Variants in PCDH11X observed in about 807,000 individuals in gnomAD.
PCDH11X encodes protocadherin-11 X-linked.
A neutral mutation model predicts 53.3 loss-of-function variants in PCDH11X; 18 were observed. The ratio of observed to expected loss-of-function variants is 0.34; its 90% confidence interval spans 0.23 to 0.50. The LOEUF (loss-of-function observed/expected upper bound fraction) is 0.50, where lower values mean the gene tolerates loss of function less well. Ranked by LOEUF, PCDH11X falls within the 20% of genes least tolerant of loss-of-function variation. PCDH11X has a pLI of 0.98. For synonymous variants in PCDH11X, 279 were observed against 393.3 expected (o/e 0.71, Z 3.44); for missense variants, 570 against 1,032.4 (o/e 0.55, Z 6.14).
intron 9 of PCDH11X, among the ~76,000 whole-genome samples, chrX:92,418,025 C>A (rs879006098): frequency 1.8e-5 from 2 of 109,383 alleles, no homozygotes; most frequent in Non-Finnish European, 3.8e-5. Flanking sequence ...AAATAACATT[C>A]GACTAATCTT....
intron 6 of PCDH11X, among the ~76,000 whole-genome samples, chrX:91,969,795 CAA>C (rs535187943): frequency 2.1e-4 from 15 of 72,501 alleles, no homozygotes; most frequent in Admixed American, 3.4e-4. Flanking sequence ...GCCCTTGTCT[CAA>C]AAAAAAAAAA....
At chrX:92,285,931 G>C (rs2068359818) in intron 8 of PCDH11X, among the ~76,000 whole-genome samples, 1 of 112,305 alleles carries the variant, frequency 8.9e-6, no homozygotes, top group African/African-American at 3.2e-5. Context: ...CGAAACAAAG[G>C]AATGGGTTCT....
chrX:92,237,694 T>C (rs1019132513), intron 7 of PCDH11X, among the ~76,000 whole-genome samples: 11 of 111,430 alleles, frequency 9.9e-5, no homozygotes, highest in Admixed American at 2.9e-4. Flanking sequence ...CCCTTATCTC[T>C]CCTTAACCTC....
chrX:92,439,635 T>A (rs1355388134), intron 9 of PCDH11X, among the ~76,000 whole-genome samples: 1 of 110,153 alleles, frequency 9.1e-6, no homozygotes. Context: ...TTGACTCATT[T>A]TAAACATTTT....
chrX:92,302,999 GAAAC>G (rs1343200650), intron 8 of PCDH11X, among the ~76,000 whole-genome samples: 1 of 107,501 alleles, frequency 9.3e-6, no homozygotes, highest in East Asian at 2.9e-4. Flanking sequence ...CATAAGGAGA[GAAAC>G]AAACTCGAAG....
chrX:92,166,131 G>GT (rs1004528032), intron 6 of PCDH11X, among the ~76,000 whole-genome samples: 1 of 108,504 alleles, frequency 9.2e-6, no homozygotes, highest in Non-Finnish European at 1.9e-5. Context: ...GCTGACCACT[G>GT]TTTTTTATTT....
intron 10 of PCDH11X, among the ~76,000 whole-genome samples, chrX:92,541,048 C>T (rs1179580986): frequency 9.0e-6 from 1 of 111,097 alleles, no homozygotes; most frequent in African/African-American, 3.3e-5. Context: ...GCTGCCCCAG[C>T]TGGTGTCTTC....
intron 5 of PCDH11X, chrX:91,876,534 C>G (rs1365777163): frequency 8.8e-6 from 3 of 340,680 alleles, no homozygotes; most frequent in African/African-American, 8.7e-5. Flanking sequence ...TTACAAATAT[C>G]AAGAAAAGTA....
intron 8 of PCDH11X, among the ~76,000 whole-genome samples, chrX:92,331,360 CTCCTCCTCCTTT>C (rs1396622456): frequency 3.0e-5 from 2 of 66,814 alleles, no homozygotes; most frequent in African/African-American, 1.4e-4. Flanking sequence ...CCTCCTCTTC[CTCCTCCTCCTTT>C]TCCTCCTCCT....
At chrX:92,238,779 A>G (rs749274619) in intron 7 of PCDH11X, among the ~76,000 whole-genome samples, 1 of 111,669 alleles carries the variant, frequency 9.0e-6, no homozygotes, top group South Asian at 3.7e-4. Context: ...TAAGTGCTCA[A>G]TAAACTATAT....
intron 5 of PCDH11X, among the ~76,000 whole-genome samples, chrX:91,868,299 A>G (rs758451714): frequency 1.8e-5 from 2 of 112,042 alleles, no homozygotes; most frequent in Admixed American, 9.5e-5. Flanking sequence ...CAAATTTGTC[A>G]TTTACCAAAC....
At chrX:92,153,581 A>AT (rs2065477781) in intron 6 of PCDH11X, among the ~76,000 whole-genome samples, 2 of 111,069 alleles carry the variant, frequency 1.8e-5, no homozygotes, top group Non-Finnish European at 3.8e-5. Flanking sequence ...GAATGGAGGC[A>AT]TTTTTTATGT....
chrX:92,490,642 A>G (rs896240819), intron 10 of PCDH11X, among the ~76,000 whole-genome samples: 3 of 109,822 alleles, frequency 2.7e-5, no homozygotes, highest in Non-Finnish European at 5.7e-5. Flanking sequence ...TGGCATGAAC[A>G]GTGACACTGA....
intron 6 of PCDH11X, among the ~76,000 whole-genome samples, chrX:92,088,038 A>G (rs1372927531): frequency 9.4e-6 from 1 of 106,530 alleles, no homozygotes; most frequent in Non-Finnish European, 1.9e-5. Flanking sequence ...TCGTTATCTT[A>G]AAGTCCCAAT....
At chrX:92,119,641 C>T (rs1490563320) in intron 6 of PCDH11X, among the ~76,000 whole-genome samples, 1 of 111,446 alleles carries the variant, frequency 9.0e-6, no homozygotes, top group Non-Finnish European at 1.9e-5. Context: ...ATAAAACCTA[C>T]AGTTTTCCAT....
At chrX:91,780,449 C>T (rs1352446658) in intron 1 of PCDH11X, among the ~76,000 whole-genome samples, 1 of 112,403 alleles carries the variant, frequency 8.9e-6, no homozygotes, top group African/African-American at 3.2e-5. Context: ...ATCATTTTCT[C>T]ATTTAAAAAA....
At chrX:91,788,011 G>A (rs892860567) in intron 1 of PCDH11X, among the ~76,000 whole-genome samples, 3 of 111,569 alleles carry the variant, frequency 2.7e-5, no homozygotes, top group Non-Finnish European at 5.6e-5. Flanking sequence ...GATAAGAAAA[G>A]GAAGGCTCAG....
intron 6 of PCDH11X, among the ~76,000 whole-genome samples, chrX:91,910,317 C>T (rs1166383972): frequency 1.9e-5 from 2 of 105,601 alleles, no homozygotes; most frequent in African/African-American, 6.9e-5. Context: ...GTGAAGGCCA[C>T]CTACGGTGGA....
chrX:92,018,794 A>G, intron 6 of PCDH11X, among the ~76,000 whole-genome samples: 1 of 112,510 alleles, frequency 8.9e-6, no homozygotes. Flanking sequence ...ATGAAAAAGA[A>G]CAGTCTCATT....
Sources: gnomAD v4.1 joint callset for allele counts (sites outside exome capture counted in the v4.1 genomes callset) on GRCh38, gnomAD v4.1.1 for gene constraint, MANE v1.5 for transcripts, NCBI Gene and HGNC (gene_info 2026-07-23, HGNC 2026-07-21) for gene names.